HDLBP: variants seen among roughly 807,000 people sequenced by gnomAD.
The protein encoded by HDLBP is vigilin.
HDLBP carries 30 observed loss-of-function variants against 137.3 expected under a neutral mutation model. The observed-to-expected ratio is 0.22, with a 90% confidence interval of 0.16 to 0.30. The LOEUF (loss-of-function observed/expected upper bound fraction) is 0.30, where lower values mean the gene tolerates loss of function less well. Among genes scored for constraint, HDLBP ranks in the 10% least tolerant of loss-of-function variants. The pLI is 1.00. For synonymous variants in HDLBP, 606 were observed against 596.0 expected, an observed-to-expected ratio of 1.02 and a Z score of -0.24; for missense variants, 1,119 against 1,667.3, an observed-to-expected ratio of 0.67 and a Z score of 5.73.
chr2:241,236,471 G>A (rs905768553), intron 21 of HDLBP, 144 bp downstream of exon 21: 42 of 794,342 alleles, frequency 5.3e-5, no homozygotes, highest in Non-Finnish European at 7.1e-5. Flanking sequence ...AGCACAGCCC[G>A]TGCGCACACG....
In HDLBP at chr2:241,264,601, G is replaced by A; in HGVS notation, c.81C>T (p.Ala27=). The change falls in exon 4 of 28, where the codon GCC becomes GCT. Residue 27 remains alanine (A), a synonymous_variant. Coordinates refer to ENST00000310931, the MANE Select transcript of HDLBP (RefSeq NM_005336.6). The part of the protein sequence containing the change: ...SGLVPQQIKV[A]TLNSEEESDP... ...CGCTCTCCTCTTCTGAATTTAGAGT[G>A]GCAACTGGACCAGCCAACACAGATT... 2 of 1,613,664 alleles carry A rather than the reference G, an allele frequency of 1.2e-6. No individual in the cohort carries two copies. The highest frequency in any genetic ancestry group is 1.7e-6 in the Non-Finnish European group (2 of 1,179,800).
intron 1 of HDLBP, 163 bp downstream of exon 1, chr2:241,315,404 CAGG>C (rs1327597789): frequency 1.3e-5 from 2 of 152,144 alleles, no homozygotes; most frequent in African/African-American, 2.4e-5. Context: ...TCTTGGAGGA[CAGG>C]AGGAGAGGCG....
intron 5 of HDLBP, among the ~76,000 whole-genome samples, chr2:241,257,389 T>C (rs1275203193): frequency 6.6e-6 from 1 of 152,138 alleles, no homozygotes; most frequent in Non-Finnish European, 1.5e-5. Context: ...TGCGCCACCA[T>C]GCCCAGCTAA....
chr2:241,244,523 G>A (rs779553684), intron 16 of HDLBP, among the ~76,000 whole-genome samples: 2 of 152,108 alleles, frequency 1.3e-5, no homozygotes, highest in Admixed American at 6.5e-5. Context: ...AACAGGAGAC[G>A]GCAATGAAGC....
At chr2:241,254,864 C>T (rs920278517) in intron 9 of HDLBP, among the ~76,000 whole-genome samples, 187 bp downstream of exon 9, 1 of 152,208 alleles carries the variant, frequency 6.6e-6, no homozygotes, top group Non-Finnish European at 1.5e-5. Context: ...CAGACATCTA[C>T]AGACATTTAT....
chr2:241,277,227 A>G (rs1376913534), intron 1 of HDLBP, among the ~76,000 whole-genome samples: 1 of 152,172 alleles, frequency 6.6e-6, no homozygotes, highest in Non-Finnish European at 1.5e-5. Flanking sequence ...TGTAACTTTA[A>G]GCCATCCTAT....
chr2:241,272,360 C>T lies in HDLBP; in HGVS notation c.-102-3819G>A. The T allele has an allele frequency of 1.5e-5, 15 of 984,722 alleles. No homozygotes were observed. The highest frequency in any genetic ancestry group is 1.8e-5 in the Non-Finnish European group (15 of 829,632). 61.0% of individuals were successfully genotyped at this position (984,722 alleles called of 1,614,324 possible). ...GGGCCGGCCCCGCCAACGTCAGCGA[C>T]CTGGGCTCAGGTCGGCCGCCCCTCC... On this transcript the variant is annotated intron_variant, in intron 1 of 27. Coordinates refer to ENST00000310931, the MANE Select transcript of HDLBP (RefSeq NM_005336.6). This position sits in a 1 kb window ranked among gnomAD's most constrained non-coding sequence, Gnocchi z 5.6.
intron 12 of HDLBP, among the ~76,000 whole-genome samples, chr2:241,248,908 G>A (rs1035847568): frequency 2.6e-5 from 4 of 152,084 alleles, no homozygotes; most frequent in Admixed American, 2.6e-4. Flanking sequence ...TGGAATTCAG[G>A]GAAGAACACC....
chr2:241,246,308 G>A (rs1399917767), intron 16 of HDLBP, among the ~76,000 whole-genome samples: 8 of 152,134 alleles, frequency 5.3e-5, no homozygotes, highest in African/African-American at 1.4e-4. Flanking sequence ...CTGCCAAGTG[G>A]GATGGAGGGA....
intron 15 of HDLBP, 40 bp downstream of exon 15, chr2:241,247,016 C>A (rs1338713133): frequency 6.4e-7 from 1 of 1,574,034 alleles, no homozygotes; most frequent in Admixed American, 1.7e-5. Context: ...CTACAGAGGA[C>A]AAGGCAAGAA....
intron 2 of HDLBP, chr2:241,267,521 C>T: frequency 2.0e-6 from 3 of 1,486,966 alleles, no homozygotes; most frequent in Non-Finnish European, 2.7e-6. Flanking sequence ...AGATCAACAC[C>T]AGGATCGTTC....
intron 20 of HDLBP, among the ~76,000 whole-genome samples, chr2:241,237,173 C>T (rs1019421833): frequency 2.8e-4 from 43 of 152,292 alleles, no homozygotes; most frequent in Non-Finnish European, 1.5e-4. Flanking sequence ...AGGCAGGGCT[C>T]ATCAGGGAAG....
At chr2:241,295,403 G>GA (rs1438554326) in intron 1 of HDLBP, among the ~76,000 whole-genome samples, 2 of 152,186 alleles carry the variant, frequency 1.3e-5, no homozygotes, top group Non-Finnish European at 2.9e-5. Flanking sequence ...GACCTGTTTA[G>GA]AAAACCTCTC....
At chr2:241,274,304 G>A (rs540312813) in intron 1 of HDLBP, among the ~76,000 whole-genome samples, 4 of 152,304 alleles carry the variant, frequency 2.6e-5, no homozygotes, top group Admixed American at 2.0e-4. Context: ...CCTGCGGCTT[G>A]ACGCAGAGAA....
At chr2:241,259,623 G>C (rs115196919) in intron 5 of HDLBP, among the ~76,000 whole-genome samples, 3,006 of 152,196 alleles carry the variant, frequency 0.02, 56 homozygotes, top group Non-Finnish European at 0.03. Flanking sequence ...TAAGTAGCTG[G>C]GATTACAGGT....
rs2074125542 is a variant in HDLBP at position 241,272,286 on chromosome 2, A to T, written c.-102-3745T>A. The stretch of plus-strand genomic sequence containing the variant: ...GAAGGACCCCGCTGGCCTCCCAGGG[A>T]CCCCCACCCTGGCCGCACACGGCGC... On this transcript the variant is annotated intron_variant, in intron 1 of 27. Transcript: ENST00000310931. This position sits in a 1 kb window ranked among gnomAD's most constrained non-coding sequence, Gnocchi z 5.6. 1 of 975,132 alleles carries T rather than the reference A, an allele frequency of 1.0e-6. No individual in the cohort carries two copies. The highest frequency in any genetic ancestry group is 1.8e-5 in the African/African-American group (1 of 56,300). The allele number at this position is 975,132 out of a possible 1,614,324, so 60.4% of individuals were successfully genotyped here. A position where few individuals can be genotyped will look rare whatever the true frequency, so the allele number is the denominator to read the frequency against.
At chr2:241,253,867 C>T (rs1389140596) in intron 9 of HDLBP, among the ~76,000 whole-genome samples, 2 of 152,182 alleles carry the variant, frequency 1.3e-5, no homozygotes, top group South Asian at 2.1e-4. Context: ...TTTTAAAACT[C>T]GTATAGCTGT....
Position 241,229,537 on chromosome 2 carries a change from G to A in HDLBP, c.*64C>T, listed in dbSNP as rs749765552. The A allele has an allele frequency of 1.5e-4, 189 of 1,234,896 alleles. No homozygotes were observed. Among genetic ancestry groups the A allele is most frequent in the Admixed American group, 2.7e-4 (15 of 56,386 alleles). The allele number at this position is 1,234,896 out of a possible 1,614,324, so 76.5% of individuals were successfully genotyped here. On this transcript the variant is annotated 3_prime_UTR_variant, in exon 28 of 28. Coordinates refer to ENST00000310931, the MANE Select transcript of HDLBP (RefSeq NM_005336.6). ...GGGTCCAGCCGCTGGGTCAGATTGAGACAAACCATTGTGTGGTTGGGTTTG... is the reference window on the plus strand; with the variant it reads ...GGGTCCAGCCGCTGGGTCAGATTGAAACAAACCATTGTGTGGTTGGGTTTG...
In HDLBP at chr2:241,256,169, C is replaced by G. The variant is rs2072597991; in HGVS notation, c.873+15G>C. On this transcript the variant is annotated intron_variant, in intron 7 of 27. Coordinates refer to ENST00000310931, the MANE Select transcript of HDLBP (RefSeq NM_005336.6). ...ATTCCTGCCCATGGGGATTTGCCTC[C>G]TCTAAATCGTGTACCTTCTCCTCAT... 1.9e-6 allele frequency: 3 copies of G among 1,609,514 alleles called. No homozygotes were observed. Among genetic ancestry groups the G allele is most frequent in the Non-Finnish European group, 2.6e-6 (3 of 1,175,844 alleles).
Sources: allele counts gnomAD v4.1 joint callset (sites outside exome capture counted in the v4.1 genomes callset), GRCh38; gene constraint gnomAD v4.1.1; non-coding constraint Gnocchi (gnomAD v3.1); transcripts MANE v1.5; gene names NCBI Gene and HGNC (gene_info 2026-07-23, HGNC 2026-07-21).